Variants in CRCP observed in about 807,000 individuals in gnomAD.
The protein encoded by CRCP is CGRP receptor component, also known as DNA-directed RNA polymerase III subunit RPC9.
In CRCP, 18 loss-of-function variants were observed where a neutral mutation model predicts 18.5. The ratio of observed to expected loss-of-function variants is 0.97; its 90% confidence interval spans 0.67 to 1.44. The LOEUF is 1.44. Ranked by LOEUF, CRCP falls within the 40% of genes most tolerant of loss-of-function variation. CRCP has a pLI of 0.00. For missense variants in CRCP, 130 were observed against 176.4 expected (o/e 0.74, Z 1.49); for synonymous variants, 53 against 62.9 (o/e 0.84, Z 0.75).
intron 1 of CRCP, among the ~76,000 whole-genome samples, chr7:66,122,960 T>G (rs1013714956): frequency 6.7e-6 from 1 of 149,686 alleles, no homozygotes; most frequent in Non-Finnish European, 1.5e-5. Context: ...TCTTTCTTTT[T>G]TTTTTTTTTT....
At chr7:66,145,567 C>A in intron 5 of CRCP, 67 bp downstream of exon 5, 1 of 1,550,300 alleles carries the variant, frequency 6.5e-7, no homozygotes, top group African/African-American at 1.4e-5. Flanking sequence ...CTGTGGTGGA[C>A]AAGCCAGGAA....
intron 4 of CRCP, among the ~76,000 whole-genome samples, chr7:66,142,964 A>G (rs545094509): frequency 3.9e-5 from 6 of 152,272 alleles, no homozygotes; most frequent in Non-Finnish European, 7.3e-5. Flanking sequence ...AACTAGACAC[A>G]CTTTTTGACA....
At chr7:66,115,079 A>C in intron 1 of CRCP, 109 bp downstream of exon 1, 1 of 1,489,802 alleles carries the variant, frequency 6.7e-7, no homozygotes. Flanking sequence ...TACGGGAGTG[A>C]GGGCAGCGGG....
chr7:66,126,754 A>G (rs1464120217), intron 1 of CRCP: 1 of 342,688 alleles, frequency 2.9e-6, no homozygotes, highest in East Asian at 8.6e-5. Context: ...TTGCCCAGAT[A>G]GTAGTAGTGA....
chr7:66,145,465 A>C lies in CRCP; in HGVS notation c.262A>C (p.Asn88His), dbSNP rs1788266201. Residue 88 changes from asparagine (N) to histidine (H), a missense_variant, in exon 5 of 6, where the codon AAC becomes CAC. Coordinates refer to ENST00000395326, the MANE Select transcript of CRCP (RefSeq NM_014478.5). ...LTKAEKLQLL[N>H]HRPVTAVEIQ... ...CAGAGCTGAGAAGCTCCAGCTGCTG[A>C]ACCACCGGCCTGTGACTGCTGTGGA... The C allele has an allele frequency of 6.2e-7, 1 of 1,613,992 alleles. No individual in the cohort carries two copies. Among genetic ancestry groups the C allele is most frequent in the Non-Finnish European group, 8.5e-7 (1 of 1,179,928 alleles).
intron 5 of CRCP, among the ~76,000 whole-genome samples, chr7:66,146,954 C>T (rs909979267): frequency 6.6e-6 from 1 of 152,188 alleles, no homozygotes; most frequent in African/African-American, 2.4e-5. Flanking sequence ...GGCTTAATGA[C>T]AGGCAGAGAG....
Position 66,130,838 on chromosome 7 carries a change from A to C in CRCP, c.140A>C (p.Tyr47Ser). Reference protein sequence around the residue: ...SGQQNLNTITYETLKYISKTP... With the variant: ...SGQQNLNTITSETLKYISKTP... ...CAACAGAACTTGAACACTATCACCTATGAAGTAAGGCTGGGCTTCTGCCAG... is the reference window on the plus strand; with the variant it reads ...CAACAGAACTTGAACACTATCACCTCTGAAGTAAGGCTGGGCTTCTGCCAG... Residue 47 changes from tyrosine to serine, a missense_variant, in exon 3 of 6, where the codon TAT (tyrosine) becomes TCT (serine). Tyr to Ser is a moderately radical substitution (Grantham distance 144). Coordinates refer to ENST00000395326, the MANE Select transcript of CRCP (RefSeq NM_014478.5). 6.5e-7 allele frequency: 1 copy of C among 1,536,470 alleles called. No individual in the cohort carries two copies. Among genetic ancestry groups the C allele is most frequent in the East Asian group, 2.3e-5 (1 of 44,424 alleles).
intron 5 of CRCP, among the ~76,000 whole-genome samples, chr7:66,151,699 G>C (rs1371358545): frequency 2.0e-5 from 3 of 149,424 alleles, no homozygotes; most frequent in Non-Finnish European, 4.4e-5. Flanking sequence ...GTGTGTGTGT[G>C]TGTGTGTGTG....
chr7:66,149,085 G>A lies in CRCP; in HGVS notation c.298-3123G>A, dbSNP rs190272244. On this transcript the variant is annotated intron_variant, in intron 5 of 5. Transcript: ENST00000395326. The stretch of plus-strand genomic sequence containing the variant: ...TTGAGATAATAAATGTATCATTTAT[G>A]TTAACCCAGCTGTTGATACTTTGGA... 8.5e-5 allele frequency among the ~76,000 whole-genome samples: 13 copies of A among 152,306 alleles called. No individual in the cohort carries two copies. The East Asian group carries it at 2.1e-3, about 25-fold the overall frequency.
chr7:66,131,800 T>C (rs560919615), intron 3 of CRCP, among the ~76,000 whole-genome samples: 1 of 151,680 alleles, frequency 6.6e-6, no homozygotes, highest in Non-Finnish European at 1.5e-5. Context: ...GGATTCTCGC[T>C]CCTGTTGCCT....
chr7:66,136,607 T>C (rs1377275589), intron 4 of CRCP, among the ~76,000 whole-genome samples: 1 of 150,282 alleles, frequency 6.7e-6, no homozygotes, highest in African/African-American at 2.4e-5. Flanking sequence ...CAGGTGATCC[T>C]CCTGCTTTGG....
intron 4 of CRCP, among the ~76,000 whole-genome samples, chr7:66,136,594 C>T (rs771219215): frequency 1.3e-5 from 2 of 151,384 alleles, no homozygotes; most frequent in Non-Finnish European, 2.9e-5. Context: ...GAACTCCTGA[C>T]CTCAGGTGAT....
chr7:66,151,575 C>G (rs78439535), intron 5 of CRCP, among the ~76,000 whole-genome samples: 2 of 144,852 alleles, frequency 1.4e-5, no homozygotes, highest in Non-Finnish European at 1.5e-5. Flanking sequence ...CCTGCCCCCC[C>G]AAAAAAAAAA....
intron 5 of CRCP, among the ~76,000 whole-genome samples, chr7:66,151,116 C>T (rs531861979): frequency 3.4e-4 from 52 of 152,112 alleles, no homozygotes; most frequent in Admixed American, 9.2e-4. Flanking sequence ...GTTGGGAGGA[C>T]GAAAGGAAAT....
intron 1 of CRCP, among the ~76,000 whole-genome samples, chr7:66,123,766 G>T (rs905444736): frequency 2.6e-4 from 39 of 149,788 alleles, no homozygotes; most frequent in Admixed American, 1.5e-3. Context: ...AAAAAAAGGT[G>T]GGGGGGCCGG....
Position 66,145,583 on chromosome 7 carries a change from T to G in CRCP, c.297+83T>G, listed in dbSNP as rs1477633991. On this transcript the variant is annotated intron_variant, in intron 5 of 5. Coordinates refer to ENST00000395326, the MANE Select transcript of CRCP (RefSeq NM_014478.5). ...TGTGGTGGACAAGCCAGGAACTGCG[T>G]TTTTTTTAAGAGGCTGCCCAACCAC... 3.5e-6 allele frequency: 5 copies of G among 1,440,092 alleles called. No homozygotes were observed. The East Asian group carries it at 9.4e-5, about 27-fold the overall frequency. 89.2% of individuals were successfully genotyped at this position (1,440,092 alleles called of 1,614,324 possible). A position where few individuals can be genotyped will look rare whatever the true frequency, so the allele number is the denominator to read the frequency against.
rs778405109 is a variant in CRCP at position 66,114,883 on chromosome 7, G to C, written c.-80G>C. The C allele has an allele frequency of 6.2e-7, 1 of 1,608,706 alleles. No individual in the cohort carries two copies. The highest frequency in any genetic ancestry group is 1.1e-5 in the South Asian group (1 of 90,916). ...TGGCGCGCGGAGCTGGCACCTTGGC[G>C]CTGTTGGTGGCGGCGGAGACAGCTG... On this transcript the variant is annotated 5_prime_UTR_variant, in exon 1 of 6. Coordinates refer to ENST00000395326, the MANE Select transcript of CRCP (RefSeq NM_014478.5).
At chr7:66,150,582 G>A (rs1392852976) in intron 5 of CRCP, 2 of 151,984 alleles carry the variant, frequency 1.3e-5, no homozygotes, top group Non-Finnish European at 2.9e-5. Context: ...GGAGTTCGTG[G>A]TGTGACCTTG....
intron 1 of CRCP, chr7:66,126,646 T>A (rs1396357124): frequency 4.7e-6 from 2 of 429,924 alleles, no homozygotes; most frequent in South Asian, 1.7e-5. Context: ...ATGGAGATGT[T>A]AATACAAGTA....
Sources: allele counts gnomAD v4.1 joint callset (sites outside exome capture counted in the v4.1 genomes callset), GRCh38; gene constraint gnomAD v4.1.1; transcripts MANE v1.5; gene names NCBI Gene and HGNC (gene_info 2026-07-23, HGNC 2026-07-21).